Variants in GPC6 observed in about 807,000 individuals in gnomAD.
GPC6 encodes the protein glypican 6, also known as glypican-6.
GPC6 carries 14 observed loss-of-function variants against 55.2 expected under a neutral mutation model. That is an observed-to-expected ratio of 0.25 (90% CI 0.17 to 0.40). The LOEUF (loss-of-function observed/expected upper bound fraction) is 0.40, where lower values mean the gene tolerates loss of function less well. Ranked by LOEUF, GPC6 falls within the 10% of genes least tolerant of loss-of-function variation. The probability of loss-of-function intolerance (pLI) is 1.00; values close to 1 mark genes in which losing one functional copy is unlikely to be tolerated. For synonymous variants in GPC6, 278 were observed against 259.6 expected (o/e 1.07, Z -0.68); for missense variants, 641 against 708.5 (o/e 0.90, Z 1.08).
At chr13:93,983,899 A>G (rs1880913995) in intron 3 of GPC6, among the ~76,000 whole-genome samples, 1 of 152,088 alleles carries the variant, frequency 6.6e-6, no homozygotes, top group African/African-American at 2.4e-5. Flanking sequence ...AACAAGTTTG[A>G]GGAACTAACA....
intron 3 of GPC6, among the ~76,000 whole-genome samples, chr13:93,971,905 G>C (rs1210872421): frequency 2.6e-5 from 4 of 152,182 alleles, no homozygotes; most frequent in Non-Finnish European, 5.9e-5. Flanking sequence ...TGACAGCTAA[G>C]ATGACTTGAC....
intron 2 of GPC6, among the ~76,000 whole-genome samples, chr13:93,806,428 C>T (rs1294990230): frequency 6.6e-6 from 1 of 152,190 alleles, no homozygotes; most frequent in African/African-American, 2.4e-5. Flanking sequence ...ACCTCTGCCT[C>T]CTGAGTTCAA....
At chr13:94,330,537 C>G (rs1877356014) in intron 6 of GPC6, among the ~76,000 whole-genome samples, 1 of 152,114 alleles carries the variant, frequency 6.6e-6, no homozygotes. Context: ...CCTTGTTTAT[C>G]AAAATGTGAT....
chr13:93,976,540 T>A (rs1880526228), intron 3 of GPC6, among the ~76,000 whole-genome samples: 1 of 151,526 alleles, frequency 6.6e-6, no homozygotes, highest in African/African-American at 2.4e-5. Flanking sequence ...TATAAAGGGA[T>A]GTTACAGCTG....
rs116725719 is a variant in GPC6, at chr13:94,335,472, G to A, written c.1152+29349G>A. ...TTCAAAAAGGTCCAGAGACCTTTAC[G>A]AATAACACACATAATTTGTTCCTTA... On this transcript the variant is annotated intron_variant, in intron 6 of 8. Coordinates refer to ENST00000377047, the MANE Select transcript of GPC6 (RefSeq NM_005708.5). Among the ~76,000 whole-genome samples, 575 of 152,156 alleles carry A rather than the reference G, an allele frequency of 3.8e-3. 6 individuals carry two copies. Among genetic ancestry groups the A allele is most frequent in the African/African-American group, 0.012 (493 of 41,512 alleles).
chr13:93,899,567 G>A (rs1036083234), intron 3 of GPC6, among the ~76,000 whole-genome samples: 3 of 152,140 alleles, frequency 2.0e-5, no homozygotes, highest in South Asian at 2.1e-4. Context: ...TATGTTAGAT[G>A]TTTAATGAAA....
At position 93,980,733 on chromosome 13, in the gene GPC6, T is replaced by G. The variant is rs539429641; in HGVS notation, c.712-46996T>G. On this transcript the variant is annotated intron_variant, in intron 3 of 8. Coordinates refer to ENST00000377047, the MANE Select transcript of GPC6 (RefSeq NM_005708.5). ...AGTTTCAGATCTCCTGTGTCTTTTG[T>G]GTGTTTGGATATGGGGGTACAAATG... 1.4e-4 allele frequency among the ~76,000 whole-genome samples: 22 copies of G among 152,278 alleles called. 1 individual carries two copies. In the South Asian group the frequency reaches 4.1e-3, roughly 29 times the overall value.
At chr13:93,900,693 A>C (rs1876294982) in intron 3 of GPC6, among the ~76,000 whole-genome samples, 2 of 152,160 alleles carry the variant, frequency 1.3e-5, no homozygotes, top group South Asian at 2.1e-4. Context: ...TGTTAACAGA[A>C]GGTTTCTTTA....
At chr13:94,296,665 CAT>C (rs1875351093) in intron 5 of GPC6, among the ~76,000 whole-genome samples, 1 of 152,182 alleles carries the variant, frequency 6.6e-6, no homozygotes, top group Admixed American at 6.5e-5. Flanking sequence ...TACATGTAAA[CAT>C]GTGAAGGAGT....
intron 2 of GPC6, among the ~76,000 whole-genome samples, chr13:93,825,015 A>G (rs1887182139): frequency 6.6e-6 from 1 of 152,094 alleles, no homozygotes; most frequent in Non-Finnish European, 1.5e-5. Context: ...TCAAATTTGT[A>G]TTACAAACAA....
At chr13:94,288,760 TAAA>T (rs1874693317) in intron 5 of GPC6, among the ~76,000 whole-genome samples, 1 of 114,074 alleles carries the variant, frequency 8.8e-6, no homozygotes, top group South Asian at 2.6e-4. Context: ...ATATATATAA[TAAA>T]TATATATATA....
At chr13:93,898,322 T>C (rs942675761) in intron 3 of GPC6, among the ~76,000 whole-genome samples, 1 of 152,132 alleles carries the variant, frequency 6.6e-6, no homozygotes, top group South Asian at 2.1e-4. Context: ...CTCTGTGGGC[T>C]CACATTCTAG....
chr13:93,463,504 T>G (rs982279134), intron 1 of GPC6, among the ~76,000 whole-genome samples: 1 of 152,218 alleles, frequency 6.6e-6, no homozygotes, highest in East Asian at 1.9e-4. Flanking sequence ...AGAGTTCTTG[T>G]GTAGCCCAGG....
At chr13:93,496,383 C>T (rs926403631) in intron 1 of GPC6, among the ~76,000 whole-genome samples, 1 of 152,196 alleles carries the variant, frequency 6.6e-6, no homozygotes, top group Non-Finnish European at 1.5e-5. Flanking sequence ...TGCTTCGGCT[C>T]GCGCACCCAC....
chr13:93,463,024 C>A (rs1374015274), intron 1 of GPC6, among the ~76,000 whole-genome samples: 2 of 152,094 alleles, frequency 1.3e-5, no homozygotes, highest in African/African-American at 2.4e-5. Flanking sequence ...AGAATTAGGA[C>A]AATCTTTTTT....
intron 2 of GPC6, among the ~76,000 whole-genome samples, chr13:93,759,587 T>A (rs1480223774): frequency 6.6e-6 from 1 of 152,182 alleles, no homozygotes; most frequent in African/African-American, 2.4e-5. Flanking sequence ...GGATTTCAGA[T>A]TTAGTAAGTA....
chr13:93,360,442 A>G (rs1435902763), intron 1 of GPC6, among the ~76,000 whole-genome samples: 8 of 152,150 alleles, frequency 5.3e-5, no homozygotes, highest in Non-Finnish European at 8.8e-5. Context: ...AGGCACAGAG[A>G]GCAATACAGA....
intron 1 of GPC6, among the ~76,000 whole-genome samples, chr13:93,354,912 C>G (rs927443067): frequency 1.3e-5 from 2 of 152,146 alleles, no homozygotes; most frequent in Non-Finnish European, 2.9e-5. Context: ...GCTTAACCTT[C>G]CTGTGTTTTT....
intron 2 of GPC6, among the ~76,000 whole-genome samples, chr13:93,644,858 T>G (rs953621211): frequency 2.6e-5 from 4 of 151,986 alleles, no homozygotes; most frequent in African/African-American, 9.7e-5. Flanking sequence ...TTCCCTGAAA[T>G]TAAGGAGTCT....
Sources: gnomAD v4.1 joint callset for allele counts (sites outside exome capture counted in the v4.1 genomes callset) on GRCh38, gnomAD v4.1.1 for gene constraint, MANE v1.5 for transcripts, NCBI Gene and HGNC (gene_info 2026-07-23, HGNC 2026-07-21) for gene names.